NEB: variants seen among roughly 807,000 people sequenced by gnomAD.
NEB encodes the protein nemaline myopathy type 2.
NEB carries 512 observed loss-of-function variants against 952.2 expected under a neutral mutation model. The observed-to-expected ratio is 0.54, with a 90% CI of 0.50 to 0.58. NEB has a LOEUF of 0.58. NEB is among the 20% of genes least tolerant of loss of function. The pLI is 0.00. For missense variants in NEB, 8,428 were observed against 9,231.1 expected, an observed-to-expected ratio of 0.91 and a Z score of 3.56; for synonymous variants, 2,900 against 3,149.8, an observed-to-expected ratio of 0.92 and a Z score of 2.66.
chr2:151,607,516 C>A lies in NEB; in HGVS notation c.12627G>T (p.Leu4209Phe). The A allele has an allele frequency of 5.6e-6, 3 of 540,170 alleles. 1 individual carries two copies. Among genetic ancestry groups the A allele is most frequent in the Admixed American group, 8.6e-5 (2 of 23,178 alleles). The allele number at this position is 540,170 out of a possible 1,614,324, so 33.5% of individuals were successfully genotyped here. ...PEMLQAHINA[L>F]QISNKLYQKD... ...TCGTGCCACTTACATTGCTGATTTG[C>A]AAGGCATTGATGTGGGCCTGCAGCA... The change falls in exon 83 of 182, where the codon TTG becomes TTT. Residue 4209 changes from leucine to phenylalanine, a missense_variant. By Grantham distance (22) the Leu-to-Phe change is conservative. This residue lies in a region of NEB where 14 missense variants were observed against 46.4 expected (regional missense o/e 0.30). Transcript: ENST00000397345.
intron 153 of NEB, 26 bp downstream of exon 153, chr2:151,524,285 G>A (rs1332173411): frequency 6.3e-7 from 1 of 1,580,628 alleles, no homozygotes; most frequent in East Asian, 2.2e-5. Flanking sequence ...TCACATGAGA[G>A]CCACCAGTGC....
rs769975417 is a variant in NEB, at chr2:151,709,659, G to A, written c.1032C>T (p.Ser344=). The change falls in exon 12 of 182, where the codon AGC becomes AGT. Residue 344 remains serine, a synonymous_variant. Coordinates refer to ENST00000397345, the MANE Select transcript of NEB (RefSeq NM_001164508.2). ...AAATGGGATGATTTCCTCATACCTT[G>A]CTAGCTGCCACACCAGCTTTTTTAT... ...KMNKKAGVAA[S]KVKYKEDYEK... The A allele has an allele frequency of 6.3e-7, 1 of 1,584,660 alleles. No individual in the cohort carries two copies. The highest frequency in any genetic ancestry group is 1.1e-5 in the South Asian group (1 of 87,244).
At chr2:151,569,682 T>A (rs35253954) in intron 109 of NEB, among the ~76,000 whole-genome samples, 1,996 of 152,306 alleles carry the variant, frequency 0.013, 18 homozygotes, top group Non-Finnish European at 0.021. Context: ...TACACAAAAA[T>A]TTTTGGATTT....
intron 135 of NEB, among the ~76,000 whole-genome samples, chr2:151,545,399 A>AAAT (rs2094552513): frequency 6.6e-6 from 1 of 152,098 alleles, no homozygotes; most frequent in African/African-American, 2.4e-5. Flanking sequence ...AACATGGAGA[A>AAAT]ACCCCATCAC....
intron 109 of NEB, 104 bp downstream of exon 109, chr2:151,569,977 G>T: frequency 8.7e-7 from 1 of 1,155,578 alleles, no homozygotes; most frequent in Non-Finnish European, 1.2e-6. Flanking sequence ...AATTCTTGGT[G>T]ATATGAAGTC....
At position 151,595,409 on chromosome 2, in the gene NEB, G is replaced by A. The variant is rs1578779342; in HGVS notation, c.14205+651C>T. Among the ~76,000 whole-genome samples the A allele has an allele frequency of 3.3e-5, 5 of 151,742 alleles. No homozygotes were observed. The South Asian group carries it at 8.3e-4, about 25-fold the overall frequency. On this transcript the variant is annotated intron_variant, in intron 92 of 181. Transcript: ENST00000397345. The stretch of plus-strand genomic sequence containing the variant: ...TGGGATTACAGGCTCCCGCCACCAC[G>A]CCCAGCTAAGTTTTTGTTTGTTTGT...
In NEB at chr2:151,697,386, A is replaced by G. The variant is rs1235888148; in HGVS notation, c.1329T>C (p.His443=). The G allele has an allele frequency of 6.2e-7, 1 of 1,614,002 alleles. No homozygotes were observed. Among genetic ancestry groups the G allele is most frequent in the South Asian group, 1.1e-5 (1 of 91,082 alleles). The change falls in exon 15 of 182, where the codon CAT becomes CAC. Residue 443 remains histidine, a synonymous_variant. Transcript: ENST00000397345. ...GAGCTGTGACTTTCATGCAGTGTGAATGGTATGGATCCTCGAAGCTGCCTA... is the reference window on the plus strand; with the variant it reads ...GAGCTGTGACTTTCATGCAGTGTGAGTGGTATGGATCCTCGAAGCTGCCTA... ...HYVGSFEDPY[H]SHCMKVTAQN...
In NEB at chr2:151,527,749, C is replaced by T. The variant is rs368938540; in HGVS notation, c.21736-164G>A. On this transcript the variant is annotated intron_variant, in intron 146 of 181. Transcript: ENST00000397345. ...TTTCTGTACAATTTATGCAGCTAGTCATCCACTCAGAGGTCATCTGTTGGG... is the reference window on the plus strand; with the variant it reads ...TTTCTGTACAATTTATGCAGCTAGTTATCCACTCAGAGGTCATCTGTTGGG... Among the ~76,000 whole-genome samples the T allele has an allele frequency of 2.2e-4, 33 of 152,328 alleles. No homozygotes were observed. The South Asian group carries it at 6.4e-3, about 30-fold the overall frequency.
chr2:151,560,622 G>A lies in NEB; in HGVS notation c.19284C>T (p.His6428=), dbSNP rs201005449. The change falls in exon 124 of 182, where the codon CAC becomes CAT. Residue 6428 remains histidine, a synonymous_variant. Coordinates refer to ENST00000397345, the MANE Select transcript of NEB (RefSeq NM_001164508.2). ...ILPSSTLSLT[H]AKNQKHLASH... ...TGGCCAGATGCTTCTGGTTCTTGGC[G>A]TGTGTCAGGGACAAGGTGCTGGAAG... 8.1e-5 allele frequency: 130 copies of A among 1,612,406 alleles called. 1 individual carries two copies. The African/African-American group carries it at 1.5e-3, about 19-fold the overall frequency.
At chr2:151,641,698 A>G (rs2098851591) in intron 60 of NEB, among the ~76,000 whole-genome samples, 1 of 152,148 alleles carries the variant, frequency 6.6e-6, no homozygotes, top group South Asian at 2.1e-4. Context: ...TGTGATTGTC[A>G]TTTATTCTTA....
intron 4 of NEB, among the ~76,000 whole-genome samples, chr2:151,729,083 T>C (rs930508297): frequency 4.0e-5 from 6 of 151,890 alleles, no homozygotes; most frequent in Non-Finnish European, 8.8e-5. Context: ...AAAAAAGAGC[T>C]TGAACGTGGA....
chr2:151,684,905 G>C lies in NEB; in HGVS notation c.2708C>G (p.Thr903Ser). Residue 903 changes from threonine (T) to serine (S), a missense_variant, in exon 28 of 182, where the codon ACT (threonine) becomes AGT (serine). Thr to Ser is a moderately conservative substitution (Grantham distance 58). Transcript: ENST00000397345. ...YTAPLDMLQV[T>S]QAKKSQAIAS... is the part of the protein sequence containing the mutation. ...AATTGCCTGAGATTTCTTAGCTTGAGTGACTTGGAGCATATCAAGAGGTGC... is the reference window on the plus strand; with the variant it reads ...AATTGCCTGAGATTTCTTAGCTTGACTGACTTGGAGCATATCAAGAGGTGC... The C allele has an allele frequency of 1.9e-6, 3 of 1,613,306 alleles. No individual in the cohort carries two copies. In the South Asian group the frequency reaches 3.3e-5, roughly 18 times the overall value.
intron 170 of NEB, 45 bp downstream of exon 170, chr2:151,498,215 A>G: frequency 6.5e-7 from 1 of 1,550,112 alleles, no homozygotes; most frequent in Non-Finnish European, 8.7e-7. Flanking sequence ...GATCAGTTTA[A>G]TTCTGAAGTT....
chr2:151,723,602 G>T, intron 8 of NEB, 116 bp from the exon 9 acceptor site: 1 of 659,814 alleles, frequency 1.5e-6, no homozygotes, highest in Non-Finnish European at 2.5e-6. Flanking sequence ...TGAGAGCAAA[G>T]GTAAATGAAA....
Position 151,674,273 on chromosome 2 carries a change from T to A in NEB, c.3987+204A>T, listed in dbSNP as rs560227110. 6.0e-4 allele frequency among the ~76,000 whole-genome samples: 92 copies of A among 152,324 alleles called. 1 individual carries two copies. The highest frequency in any genetic ancestry group is 2.1e-3 in the African/African-American group (86 of 41,578). Reference sequence around the variant, plus strand: ...ATCAAAGGAGAAAGCCACTGTCAGATTTATGACAGCTCTACCAAGTGGGGT... The same window carrying A: ...ATCAAAGGAGAAAGCCACTGTCAGAATTATGACAGCTCTACCAAGTGGGGT... On this transcript the variant is annotated intron_variant, in intron 36 of 181. Transcript: ENST00000397345.
At chr2:151,733,342 T>A (rs997518772) in intron 2 of NEB, among the ~76,000 whole-genome samples, 157 bp from the exon 3 acceptor site, 3 of 152,214 alleles carry the variant, frequency 2.0e-5, no homozygotes, top group Non-Finnish European at 4.4e-5. Flanking sequence ...AATACAAGTA[T>A]AAACAGCAGA....
intron 75 of NEB, among the ~76,000 whole-genome samples, chr2:151,616,767 A>C (rs2098214525): frequency 6.6e-6 from 1 of 152,198 alleles, no homozygotes. Flanking sequence ...TCTTAACACA[A>C]AAGAAGAATA....
At chr2:151,565,420 T>G (rs975393519) in intron 116 of NEB, 81 bp downstream of exon 116, 1 of 1,009,662 alleles carries the variant, frequency 9.9e-7, no homozygotes. Flanking sequence ...CAAGCAATTA[T>G]CTAAAGTTAA....
chr2:151,549,413 A>C (rs1285248157), intron 130 of NEB, among the ~76,000 whole-genome samples: 1 of 152,204 alleles, frequency 6.6e-6, no homozygotes, highest in Non-Finnish European at 1.5e-5. Context: ...TCCCACGAAC[A>C]TTCTGTTCTA....
Sources: gnomAD v4.1 joint callset for allele counts (sites outside exome capture counted in the v4.1 genomes callset) on GRCh38, gnomAD v4.1.1 for gene constraint, gnomAD v4.1.1 regional missense constraint, MANE v1.5 for transcripts, NCBI Gene and HGNC (gene_info 2026-07-23, HGNC 2026-07-21) for gene names.